The following PRH1 variants were observed in gnomAD, a reference collection of about 807,000 sequenced individuals.
PRH1 encodes the protein proline rich protein HaeIII subfamily 1, also known as salivary acidic proline-rich phosphoprotein 1/2.
A neutral mutation model predicts 7.9 loss-of-function variants in PRH1; 7 were observed. That is an observed-to-expected ratio of 0.89 (90% CI 0.50 to 1.67). The LOEUF (loss-of-function observed/expected upper bound fraction) is 1.67. Ranked by LOEUF, PRH1 falls within the 40% of genes most tolerant of loss-of-function variation. The pLI, the probability that PRH1 is intolerant of heterozygous loss-of-function variation, is 0.00. For missense variants in PRH1, 109 were observed against 223.6 expected, an observed-to-expected ratio of 0.49 and a Z score of 3.27; for synonymous variants, 45 against 80.8, an observed-to-expected ratio of 0.56 and a Z score of 2.38.
At chr12:11,122,625 A>G (rs1592055099) in intron 1 of PRH1, among the ~76,000 whole-genome samples, 3 of 152,284 alleles carry the variant, frequency 2.0e-5, no homozygotes, top group Non-Finnish European at 1.5e-5. Context: ...TTGGCAGGAA[A>G]CATCATGTCA....
At chr12:10,938,138 T>A (rs779988051) in intron 2 of PRH1, 13 of 690,390 alleles carry the variant, frequency 1.9e-5, no homozygotes, top group Non-Finnish European at 9.5e-6. Context: ...ATGGTGTTGA[T>A]TCCAAGCATA....
At chr12:10,888,072 T>G (rs1949520221), upstream of PRH1, among the ~76,000 whole-genome samples, 2 of 152,340 alleles carry the variant, frequency 1.3e-5, no homozygotes, top group South Asian at 4.1e-4. Flanking sequence ...ACCCATTTTT[T>G]GTCCACATTC....
intron 1 of PRH1, among the ~76,000 whole-genome samples, chr12:11,021,259 T>C (rs796912664): frequency 1.5e-5 from 2 of 129,946 alleles, no homozygotes; most frequent in African/African-American, 5.3e-5. Context: ...TCCAAAAAAT[T>C]AGAGGTTCAC....
chr12:10,940,133 A>C (rs1221654666), intron 2 of PRH1, among the ~76,000 whole-genome samples: 4 of 152,202 alleles, frequency 2.6e-5, no homozygotes, highest in Non-Finnish European at 5.9e-5. Context: ...CTTGTGGAAG[A>C]CATTATTCCT....
intron 1 of PRH1, among the ~76,000 whole-genome samples, chr12:11,115,576 C>T (rs1448504209): frequency 6.6e-6 from 1 of 152,066 alleles, no homozygotes; most frequent in Non-Finnish European, 1.5e-5. Context: ...ACATTTCATC[C>T]AAAAGTTTCA....
intron 1 of PRH1, among the ~76,000 whole-genome samples, chr12:11,123,892 T>C (rs1946004227): frequency 6.6e-6 from 1 of 152,232 alleles, no homozygotes; most frequent in Non-Finnish European, 1.5e-5. Context: ...CCATAAATTA[T>C]TTTCTACAGG....
intron 2 of PRH1, among the ~76,000 whole-genome samples, chr12:10,968,800 G>A (rs1164298986): frequency 2.0e-5 from 3 of 152,230 alleles, no homozygotes; most frequent in African/African-American, 4.8e-5. Context: ...ATTCTGTGCA[G>A]GCCCCGCAGC....
intron 1 of PRH1, among the ~76,000 whole-genome samples, chr12:11,131,499 T>C (rs1413395759): frequency 1.3e-5 from 2 of 152,176 alleles, no homozygotes; most frequent in African/African-American, 4.8e-5. Flanking sequence ...CTCAATTTTT[T>C]GAAATGAAAT....
At chr12:11,091,897 G>A in intron 1 of PRH1, 1 of 1,273,046 alleles carries the variant, frequency 7.9e-7, no homozygotes, top group Non-Finnish European at 1.1e-6. Context: ...TGGAGAAATT[G>A]GCAATCTTGA....
intron 2 of PRH1, among the ~76,000 whole-genome samples, chr12:10,951,482 C>CAT (rs1391879991): frequency 2.0e-5 from 3 of 152,168 alleles, no homozygotes; most frequent in African/African-American, 4.8e-5. Context: ...CACCCATACA[C>CAT]ATATACATAT....
chr12:10,912,252 A>G (rs1949911086), intron 2 of PRH1, among the ~76,000 whole-genome samples: 1 of 152,148 alleles, frequency 6.6e-6, no homozygotes, highest in Non-Finnish European at 1.5e-5. Flanking sequence ...TTTAACATGT[A>G]ACTTATTATT....
At chr12:11,096,574 C>T (rs1248484799) in intron 1 of PRH1, among the ~76,000 whole-genome samples, 1 of 115,380 alleles carries the variant, frequency 8.7e-6, no homozygotes, top group East Asian at 2.1e-4. Flanking sequence ...AGGATCTAGG[C>T]AGCCTCATGA....
chr12:11,027,541 G>C (rs571589022), intron 1 of PRH1, among the ~76,000 whole-genome samples: 3 of 152,320 alleles, frequency 2.0e-5, no homozygotes, highest in South Asian at 4.1e-4. Flanking sequence ...CAATGTTTTG[G>C]GGGCCTATTG....
At chr12:11,134,328 T>C in intron 1 of PRH1, 1 of 1,263,618 alleles carries the variant, frequency 7.9e-7, no homozygotes, top group East Asian at 2.5e-5. Context: ...CCTTAAATTC[T>C]ATATGCACCT....
Position 11,095,659 on chromosome 12 carries a change from T to C in PRH1, n.124-48471A>G, listed in dbSNP as rs1484898274. On this transcript the variant is annotated intron_variant and non_coding_transcript_variant, in intron 1 of 4. Transcript: ENST00000541977. The stretch of plus-strand genomic sequence containing the variant: ...CAACACAGCAAAACTGCCTCTACAA[T>C]GAATGAAAAAGTTAGTCAGGCATAG... Among the ~76,000 whole-genome samples the C allele has an allele frequency of 4.5e-5, 5 of 112,056 alleles. 1 individual carries two copies. Among genetic ancestry groups the C allele is most frequent in the African/African-American group, 1.2e-4 (4 of 32,954 alleles). 73.5% of individuals were successfully genotyped at this position (112,056 alleles called of 152,430 possible).
At chr12:11,127,345 T>A (rs1488052682) in intron 1 of PRH1, among the ~76,000 whole-genome samples, 1 of 152,274 alleles carries the variant, frequency 6.6e-6, no homozygotes, top group Non-Finnish European at 1.5e-5. Flanking sequence ...TTCAGCAATG[T>A]GAGTTGTTAG....
At chr12:10,925,312 T>A (rs1239067160) in intron 2 of PRH1, among the ~76,000 whole-genome samples, 1 of 152,212 alleles carries the variant, frequency 6.6e-6, no homozygotes, top group African/African-American at 2.4e-5. Context: ...AGGGGCACTC[T>A]CAGGCAGAAG....
chr12:10,909,004 G>A lies in PRH1; in HGVS notation c.-58-24729C>T, dbSNP rs749247763. 34 of 1,613,588 alleles carry A rather than the reference G, an allele frequency of 2.1e-5. No homozygotes were observed. Among genetic ancestry groups the A allele is most frequent in the Non-Finnish European group, 2.7e-5 (32 of 1,179,968 alleles). On this transcript the variant is annotated intron_variant, in intron 2 of 3. Transcript: ENST00000539853. ...TAAAAGATGCTGAAGATTGTAGCAA[G>A]CCAGAGATTGAAGTGATTAGAAACT...
rs1361455022 is a variant in PRH1, at chr12:11,031,889, T to C, written c.-126+15131A>G. ...CTCAATGTAATATAACTGGGTGTGA[T>C]TGCTTGAATATCCTGACCTTAAATT... On this transcript the variant is annotated intron_variant, in intron 1 of 3. Coordinates refer to the PRH1 transcript ENST00000539853. Among the ~76,000 whole-genome samples, 3 of 152,204 alleles carry C rather than the reference T, an allele frequency of 2.0e-5. No homozygotes were observed. The East Asian group carries it at 5.8e-4, about 29-fold the overall frequency.
Sources: gnomAD v4.1 joint callset for allele counts (sites outside exome capture counted in the v4.1 genomes callset) on GRCh38, gnomAD v4.1.1 for gene constraint, MANE v1.5 for transcripts, NCBI Gene and HGNC (gene_info 2026-07-23, HGNC 2026-07-21) for gene names.